Variants in ADAM12 observed in about 807,000 individuals in gnomAD.
ADAM12 encodes ADAM metallopeptidase domain 12.
A neutral mutation model predicts 106.4 loss-of-function variants in ADAM12; 70 were observed. The observed-to-expected ratio is 0.66, with a 90% CI of 0.54 to 0.80. The LOEUF (loss-of-function observed/expected upper bound fraction) is 0.80. ADAM12 is among the 30% of genes least tolerant of loss of function. ADAM12 has a pLI of 0.00. For missense variants in ADAM12, 1,010 were observed against 1,171.9 expected (o/e 0.86, Z 2.02); for synonymous variants, 420 against 433.5 (o/e 0.97, Z 0.39).
intron 11 of ADAM12, among the ~76,000 whole-genome samples, chr10:126,075,662 AG>A (rs1955086806): frequency 1.3e-5 from 2 of 152,230 alleles, no homozygotes; most frequent in Admixed American, 1.3e-4. Flanking sequence ...CCCGAAGGGA[AG>A]AAGGTGTGAG....
chr10:126,125,206 A>G (rs957351656), intron 5 of ADAM12, among the ~76,000 whole-genome samples: 2 of 150,540 alleles, frequency 1.3e-5, no homozygotes, highest in African/African-American at 4.9e-5. Flanking sequence ...CCCATGAGCC[A>G]GGCTCTCGAA....
intron 11 of ADAM12, among the ~76,000 whole-genome samples, chr10:126,087,769 A>G (rs1289876960): frequency 1.3e-5 from 2 of 152,198 alleles, no homozygotes; most frequent in African/African-American, 2.4e-5. Context: ...CTTTCCCGCT[A>G]CATTGAATTT....
chr10:126,077,739 A>C (rs1289827923), intron 11 of ADAM12, among the ~76,000 whole-genome samples: 2 of 152,220 alleles, frequency 1.3e-5, no homozygotes, highest in East Asian at 3.9e-4. Context: ...CCATTTACAA[A>C]AATTAACTCA....
At chr10:126,348,105 T>A (rs1385798445) in intron 1 of ADAM12, among the ~76,000 whole-genome samples, 2 of 152,298 alleles carry the variant, frequency 1.3e-5, no homozygotes, top group South Asian at 4.1e-4. Flanking sequence ...TTAGCACCTG[T>A]ACATTTAGTG....
intron 3 of ADAM12, among the ~76,000 whole-genome samples, chr10:126,277,118 A>C (rs1313806591): frequency 6.6e-6 from 1 of 152,236 alleles, no homozygotes; most frequent in African/African-American, 2.4e-5. Context: ...TATAAGAAAA[A>C]AAATCCATCT....
chr10:126,098,408 T>C lies in ADAM12; in HGVS notation c.996+8A>G. The C allele has an allele frequency of 1.9e-6, 3 of 1,612,862 alleles. No homozygotes were observed. Among genetic ancestry groups the C allele is most frequent in the Non-Finnish European group, 2.5e-6 (3 of 1,178,902 alleles). ...AAGGGGAACCAGCTCCCAATGCCCT[T>C]GGCTTACCATGACAATTCCCCCAGA... is the stretch of plus-strand genomic sequence containing the variant. On this transcript the variant is annotated splice_region_variant and intron_variant, in intron 10 of 22. Coordinates refer to ENST00000448723, the MANE Select transcript of ADAM12 (RefSeq NM_001288973.2).
intron 3 of ADAM12, among the ~76,000 whole-genome samples, chr10:126,212,448 A>T (rs191796476): frequency 1.1e-3 from 170 of 152,324 alleles, no homozygotes; most frequent in South Asian, 5.0e-3. Context: ...AAAAATTAAG[A>T]TGTACTTATC....
At chr10:126,297,920 A>G (rs1228190782) in intron 2 of ADAM12, among the ~76,000 whole-genome samples, 1 of 152,176 alleles carries the variant, frequency 6.6e-6, no homozygotes, top group Non-Finnish European at 1.5e-5. Context: ...AAGGCAAGGA[A>G]GACAAAATCC....
chr10:126,219,403 T>C (rs759675915), intron 3 of ADAM12, among the ~76,000 whole-genome samples: 1 of 152,152 alleles, frequency 6.6e-6, no homozygotes, highest in Non-Finnish European at 1.5e-5. Context: ...CAGGGAACCT[T>C]TGCTAATCAG....
intron 3 of ADAM12, among the ~76,000 whole-genome samples, chr10:126,167,162 G>A (rs1957039485): frequency 6.6e-6 from 1 of 152,166 alleles, no homozygotes; most frequent in South Asian, 2.1e-4. Flanking sequence ...CTAAGCAAAG[G>A]CACTTTACGT....
At chr10:126,185,499 GA>G (rs1274648842) in intron 3 of ADAM12, among the ~76,000 whole-genome samples, 1 of 151,616 alleles carries the variant, frequency 6.6e-6, no homozygotes, top group Non-Finnish European at 1.5e-5. Context: ...TTTTTGGATA[GA>G]GGGAAAGTAA....
At chr10:126,210,183 C>T (rs1013020225) in intron 3 of ADAM12, among the ~76,000 whole-genome samples, 5 of 152,184 alleles carry the variant, frequency 3.3e-5, no homozygotes, top group East Asian at 1.9e-4. Flanking sequence ...TTCATCTCTG[C>T]GTGGTGAACT....
At chr10:126,029,169 T>C (rs1006144196) in intron 21 of ADAM12, among the ~76,000 whole-genome samples, 3 of 152,182 alleles carry the variant, frequency 2.0e-5, no homozygotes, top group Non-Finnish European at 4.4e-5. Flanking sequence ...AGTTCAACCA[T>C]TGTGGAAGAC....
chr10:126,014,171 C>T lies in ADAM12; in HGVS notation c.*3108G>A, dbSNP rs1040318777. The T allele has an allele frequency of 6.6e-6, 1 of 152,516 alleles. No individual in the cohort carries two copies. Among genetic ancestry groups the T allele is most frequent in the African/African-American group, 2.4e-5 (1 of 41,442 alleles). 9.4% of individuals were successfully genotyped at this position (152,516 alleles called of 1,614,324 possible). A position where few individuals can be genotyped will look rare whatever the true frequency, so the allele number is the denominator to read the frequency against. On this transcript the variant is annotated 3_prime_UTR_variant, in exon 23 of 23. Transcript: ENST00000448723. Reference sequence around the variant, plus strand: ...GTGCCCTTTCTGCTGCTGGGGGTCTCATTGGCTCAGAGTGCTTAGTAAACA... The same window carrying T: ...GTGCCCTTTCTGCTGCTGGGGGTCTTATTGGCTCAGAGTGCTTAGTAAACA...
chr10:126,310,513 T>C (rs1220926278), intron 2 of ADAM12, among the ~76,000 whole-genome samples: 1 of 151,908 alleles, frequency 6.6e-6, no homozygotes, highest in Non-Finnish European at 1.5e-5. Context: ...AGTGGTAGGG[T>C]AGAACCAGGC....
In ADAM12 at chr10:126,312,131, GAAAAA is replaced by G. The variant is rs35783742; in HGVS notation, c.186+18276_186+18280del. On this transcript the variant is annotated intron_variant, in intron 2 of 22. Coordinates refer to ENST00000448723, the MANE Select transcript of ADAM12 (RefSeq NM_001288973.2). ...CAAAGTTGGAGAATTGGTTGGTGTG[GAAAAA>G]AAAAAAAAAAAAAAAACCCACGTTT... Among the ~76,000 whole-genome samples the G allele has an allele frequency of 1.0e-3, 127 of 123,990 alleles. 1 individual carries two copies. Among genetic ancestry groups the G allele is most frequent in the African/African-American group, 3.7e-3 (120 of 32,794 alleles). 81.3% of individuals were successfully genotyped at this position (123,990 alleles called of 152,430 possible). A position where few individuals can be genotyped will look rare whatever the true frequency, so the allele number is the denominator to read the frequency against.
intron 2 of ADAM12, among the ~76,000 whole-genome samples, chr10:126,320,925 T>C (rs903502271): frequency 6.6e-6 from 1 of 152,342 alleles, no homozygotes; most frequent in Admixed American, 6.5e-5. Context: ...TTTCAATAAA[T>C]CCAAAACTTT....
intron 3 of ADAM12, among the ~76,000 whole-genome samples, chr10:126,211,938 C>T (rs978478988): frequency 6.6e-6 from 1 of 152,184 alleles, no homozygotes; most frequent in African/African-American, 2.4e-5. Context: ...ACAAATCTGT[C>T]CAAATAATAT....
chr10:126,174,008 A>AT (rs200354475), intron 3 of ADAM12, among the ~76,000 whole-genome samples: 3,949 of 90,300 alleles, frequency 0.044, 994 homozygotes, highest in African/African-American at 0.083. Context: ...TCTGTTGTTG[A>AT]TTTTTTTTTT....
Sources: gnomAD v4.1 joint callset for allele counts (sites outside exome capture counted in the v4.1 genomes callset) on GRCh38, gnomAD v4.1.1 for gene constraint, MANE v1.5 for transcripts, NCBI Gene and HGNC (gene_info 2026-07-23, HGNC 2026-07-21) for gene names.